Variants in TMEM63A observed in about 807,000 individuals in gnomAD.
TMEM63A encodes mechanosensitive cation channel TMEM63A.
In TMEM63A, 76 loss-of-function variants were observed where a neutral mutation model predicts 100.6. That is an observed-to-expected ratio of 0.76 (90% confidence interval 0.63 to 0.91). TMEM63A has a LOEUF of 0.91. TMEM63A is among the 40% of genes least tolerant of loss of function. The pLI is 0.00. For missense variants in TMEM63A, 876 were observed against 1,008.8 expected (o/e 0.87, Z 1.78); for synonymous variants, 401 against 401.1 (o/e 1.00, Z 0.00).
intron 6 of TMEM63A, among the ~76,000 whole-genome samples, chr1:225,870,339 C>T (rs1379281834): frequency 6.3e-5 from 8 of 126,442 alleles, no homozygotes; most frequent in African/African-American, 2.0e-4. Context: ...GCGACAAGAG[C>T]GAAACTCGGT....
At chr1:225,847,424 A>G (rs1576061781) in intron 23 of TMEM63A, 1 of 542,200 alleles carries the variant, frequency 1.8e-6, no homozygotes, top group Non-Finnish European at 3.2e-6. Flanking sequence ...ACAGTTATAC[A>G]GTTCTCATGA....
intron 6 of TMEM63A, among the ~76,000 whole-genome samples, chr1:225,869,930 G>A (rs1489392444): frequency 2.0e-5 from 3 of 151,510 alleles, no homozygotes; most frequent in African/African-American, 7.3e-5. Flanking sequence ...CAAAGCGTTG[G>A]GATTACAGGC....
intron 1 of TMEM63A, among the ~76,000 whole-genome samples, chr1:225,880,348 G>A (rs1210105670): frequency 6.6e-6 from 1 of 152,178 alleles, no homozygotes; most frequent in Admixed American, 6.5e-5. Flanking sequence ...CCATGGGACA[G>A]CTCCTCTGCA....
At chr1:225,849,142 G>A (rs974858335) in intron 21 of TMEM63A, 130 bp from the exon 22 acceptor site, 1 of 709,494 alleles carries the variant, frequency 1.4e-6, no homozygotes, top group East Asian at 2.7e-5. Context: ...GAAAATAAAG[G>A]TAAGGCCTAA....
At position 225,852,865 on chromosome 1, in the gene TMEM63A, G is replaced by A. The variant is rs941094965; in HGVS notation, c.1798-96C>T. On this transcript the variant is annotated intron_variant, in intron 19 of 24. Transcript: ENST00000366835. ...GGTGATGGGAGAGCAGGGTGGAGGA[G>A]GACTTTGGAAATAGGAGATGCGTGG... 9.4e-5 allele frequency: 106 copies of A among 1,125,384 alleles called. No homozygotes were observed. In the African/African-American group the frequency reaches 1.4e-3, roughly 15 times the overall value. 69.7% of individuals were successfully genotyped at this position (1,125,384 alleles called of 1,614,324 possible). A position where few individuals can be genotyped will look rare whatever the true frequency, so the allele number is the denominator to read the frequency against.
chr1:225,866,093 CCTT>C (rs1670193533), intron 9 of TMEM63A, 126 bp from the exon 10 acceptor site: 3 of 977,884 alleles, frequency 3.1e-6, no homozygotes, highest in East Asian at 2.6e-5. Flanking sequence ...CCAGTTTTCT[CCTT>C]CTGTGGCCGG....
rs1258581460 is a variant in TMEM63A, at chr1:225,877,470, TTTGGCCGAG to T, written c.102_110del (p.Asn34_Ala36del). 1 of 1,614,040 alleles carries T rather than the reference TTTGGCCGAG, an allele frequency of 6.2e-7. No individual in the cohort carries two copies. Among genetic ancestry groups the T allele is most frequent in the East Asian group, 2.2e-5 (1 of 44,894 alleles). On this transcript the variant is annotated inframe_deletion, in exon 3 of 25. Coordinates refer to ENST00000366835, the MANE Select transcript of TMEM63A (RefSeq NM_014698.3). ...TGACCCCCTGGAGCACGGTGCTGTTTTTGGCCGAGTTGTAGCAATAGGAGTCGTTGGGCC... is the reference window on the plus strand; with the variant it reads ...TGACCCCCTGGAGCACGGTGCTGTTTTTGTAGCAATAGGAGTCGTTGGGCC...
chr1:225,855,738 CA>C, intron 18 of TMEM63A, 139 bp downstream of exon 18: 1 of 808,718 alleles, frequency 1.2e-6, no homozygotes, highest in Non-Finnish European at 1.9e-6. Context: ...GGTGAGGCCC[CA>C]AGCCCTGCTG....
intron 21 of TMEM63A, among the ~76,000 whole-genome samples, chr1:225,849,609 C>T (rs143975622): frequency 0.025 from 3,773 of 152,294 alleles, 75 homozygotes; most frequent in Non-Finnish European, 0.036. Context: ...CACCTGCACT[C>T]GGGCTAGCTT....
chr1:225,865,699 T>C lies in TMEM63A; in HGVS notation c.746+198A>G, dbSNP rs1670168061. 2 of 587,246 alleles carry C rather than the reference T, an allele frequency of 3.4e-6. No individual in the cohort carries two copies. The highest frequency in any genetic ancestry group is 2.9e-5 in the East Asian group (1 of 34,696). 36.4% of individuals were successfully genotyped at this position (587,246 alleles called of 1,614,324 possible). ...AAGAGGATAGGCCACCAGGGCGCTA[T>C]TCACTGCACAGCACCAGCAGGGCTG... is the stretch of plus-strand genomic sequence containing the variant. On this transcript the variant is annotated intron_variant, in intron 10 of 24. Coordinates refer to ENST00000366835, the MANE Select transcript of TMEM63A (RefSeq NM_014698.3). The surrounding 1 kb of genome is among the most constrained non-coding windows in gnomAD (Gnocchi z 4.6).
Position 225,845,552 on chromosome 1 carries a change from T to TTTACTC in TMEM63A, c.*1381_*1386dup. On this transcript the variant is annotated 3_prime_UTR_variant, in exon 25 of 25. Transcript: ENST00000366835. ...CAACATGGCTTTGATGATAAACGACTTTACTCTAAAAGCGGCTGGAACTCA... is the reference window on the plus strand; with the variant it reads ...CAACATGGCTTTGATGATAAACGACTTTACTCTTACTCTAAAAGCGGCTGGAACTCA... 2 of 617,640 alleles carry TTTACTC rather than the reference T, an allele frequency of 3.2e-6. No individual in the cohort carries two copies. The highest frequency in any genetic ancestry group is 5.7e-6 in the Non-Finnish European group (2 of 352,202). The allele number at this position is 617,640 out of a possible 1,614,324, so 38.3% of individuals were successfully genotyped here. A position where few individuals can be genotyped will look rare whatever the true frequency, so the allele number is the denominator to read the frequency against.
chr1:225,845,833 A>G lies in TMEM63A; in HGVS notation c.*1106T>C. 1 of 220,832 alleles carries G rather than the reference A, an allele frequency of 4.5e-6. No homozygotes were observed. Among genetic ancestry groups the G allele is most frequent in the East Asian group, 1.1e-4 (1 of 8,724 alleles). 13.7% of individuals were successfully genotyped at this position (220,832 alleles called of 1,614,324 possible). ...TGAGTGAGAAGGCCCAGATAAGCCC[A>G]GGCCCCCCAGGCCAGCGGACAGGCA... is the stretch of plus-strand genomic sequence containing the variant. On this transcript the variant is annotated 3_prime_UTR_variant, in exon 25 of 25. Coordinates refer to ENST00000366835, the MANE Select transcript of TMEM63A (RefSeq NM_014698.3).
chr1:225,868,105 TC>T (rs1318374124), intron 6 of TMEM63A, 75 bp from the exon 7 acceptor site: 1 of 1,562,706 alleles, frequency 6.4e-7, no homozygotes, highest in Non-Finnish European at 8.7e-7. Context: ...TCTCATATCA[TC>T]CTCACCACAC....
Position 225,862,053 on chromosome 1 carries a change from T to G in TMEM63A, c.1085+165A>C, listed in dbSNP as rs1669966569. 9.1e-7 allele frequency: 1 copy of G among 1,093,512 alleles called. No homozygotes were observed. The highest frequency in any genetic ancestry group is 1.6e-5 in the African/African-American group (1 of 63,212). 67.7% of individuals were successfully genotyped at this position (1,093,512 alleles called of 1,614,324 possible). ...CCTGTTACACAAACATGGGCTGGGC[T>G]GGCTGAAAGTGAGTGTGGGTAGCTG... On this transcript the variant is annotated intron_variant, in intron 13 of 24. Transcript: ENST00000366835. The surrounding 1 kb of genome is among the most constrained non-coding windows in gnomAD (Gnocchi z 5.1).
intron 13 of TMEM63A, chr1:225,861,939 G>A: frequency 3.9e-6 from 2 of 508,798 alleles, no homozygotes; most frequent in East Asian, 7.1e-5. Context: ...GGGCAGCAGG[G>A]AAGAGCCCAG....
chr1:225,850,991 G>A (rs574050579), intron 20 of TMEM63A, among the ~76,000 whole-genome samples: 11 of 152,106 alleles, frequency 7.2e-5, no homozygotes, highest in Middle Eastern at 3.4e-3. Flanking sequence ...GATTACAGGC[G>A]AGAGCCACCG....
At position 225,862,464 on chromosome 1, in the gene TMEM63A, G is replaced by A; in HGVS notation, c.942C>T (p.Gly314=). 1 of 1,614,184 alleles carries A rather than the reference G, an allele frequency of 6.2e-7. No homozygotes were observed. Among genetic ancestry groups the A allele is most frequent in the South Asian group, 1.1e-5 (1 of 91,080 alleles). Residue 314 remains glycine (G), a synonymous_variant, in exon 12 of 25, where the codon GGC becomes GGT. Coordinates refer to ENST00000366835, the MANE Select transcript of TMEM63A (RefSeq NM_014698.3). The surrounding 1 kb of genome is among the most constrained non-coding windows in gnomAD (Gnocchi z 5.1). ...CGQFCCCEVL[G]CEWEDAISYY... ...GGGGTGGGACCCTTACCCACTCACA[G>A]CCCAGCACTTCACAGCAGCAAAACT...
chr1:225,863,370 T>C (rs1310364686), intron 10 of TMEM63A, among the ~76,000 whole-genome samples: 1 of 152,152 alleles, frequency 6.6e-6, no homozygotes, highest in Non-Finnish European at 1.5e-5. Flanking sequence ...AGTATGAAGC[T>C]AACTGCCTGG....
At chr1:225,870,189 A>G (rs889736945) in intron 6 of TMEM63A, among the ~76,000 whole-genome samples, 1 of 152,018 alleles carries the variant, frequency 6.6e-6, no homozygotes, top group African/African-American at 2.4e-5. Context: ...GTCTCTACTA[A>G]AAATACAAAA....
Sources: gnomAD v4.1 joint callset for allele counts (sites outside exome capture counted in the v4.1 genomes callset) on GRCh38, gnomAD v4.1.1 for gene constraint, Gnocchi (gnomAD v3.1) non-coding constraint, MANE v1.5 for transcripts, NCBI Gene and HGNC (gene_info 2026-07-23, HGNC 2026-07-21) for gene names.